Variants in GNL3 observed in about 807,000 individuals in gnomAD.
GNL3 encodes the protein G protein nucleolar 3, also known as guanine nucleotide-binding protein-like 3.
GNL3 carries 77 observed loss-of-function variants against 70.6 expected under a neutral mutation model. The ratio of observed to expected loss-of-function variants is 1.09; its 90% CI spans 0.91 to 1.32. GNL3 has a LOEUF of 1.32. GNL3 is among the 40% of genes most tolerant of loss of function. GNL3 has a pLI of 0.00. For missense variants in GNL3, 634 were observed against 644.0 expected (o/e 0.98, Z 0.17); for synonymous variants, 252 against 216.1 (o/e 1.17, Z -1.46).
chr3:52,688,719 C>T (rs2097324528), intron 5 of GNL3, among the ~76,000 whole-genome samples: 1 of 152,220 alleles, frequency 6.6e-6, no homozygotes, highest in Non-Finnish European at 1.5e-5. Flanking sequence ...TTCCCAAGCT[C>T]ACTCCCCCAT....
intron 8 of GNL3, 21 bp from the exon 9 acceptor site, chr3:52,691,521 G>A (rs1017150748): frequency 2.0e-5 from 28 of 1,381,848 alleles, no homozygotes; most frequent in Non-Finnish European, 2.8e-5. Flanking sequence ...TTTTATATCT[G>A]GATTTCCCAT....
At chr3:52,693,851 G>GC in intron 13 of GNL3, 44 bp downstream of exon 13, 1 of 1,505,520 alleles carries the variant, frequency 6.6e-7, no homozygotes. Flanking sequence ...GAGTTTTCTA[G>GC]CATTATAATA....
rs1412657633 is a variant in GNL3 at position 52,692,893 on chromosome 3, G to A, written c.891G>A (p.Leu297=). 2 of 1,613,108 alleles carry A rather than the reference G, an allele frequency of 1.2e-6. No individual in the cohort carries two copies. The highest frequency in any genetic ancestry group is 2.7e-5 in the African/African-American group (2 of 74,892). ...TCAGGAGCATGCAAGTTGTCCCCTTGGACAAACAGATCACAATCATAGATA... is the reference window on the plus strand; with the variant it reads ...TCAGGAGCATGCAAGTTGTCCCCTTAGACAAACAGATCACAATCATAGATA... The part of the protein sequence containing the change: ...GLTRSMQVVP[L]DKQITIIDSP... Residue 297 remains leucine (L), a synonymous_variant, in exon 10 of 15, where the codon TTG becomes TTA. Coordinates refer to ENST00000418458, the MANE Select transcript of GNL3 (RefSeq NM_014366.5).
chr3:52,693,589 G>A, intron 12 of GNL3, 43 bp from the exon 13 acceptor site: 1 of 1,614,034 alleles, frequency 6.2e-7, no homozygotes, highest in Non-Finnish European at 8.5e-7. Flanking sequence ...TGACAGGCCA[G>A]TGGAGCTCTT....
At chr3:52,690,420 G>A (rs1387939237) in intron 6 of GNL3, among the ~76,000 whole-genome samples, 172 bp from the exon 7 acceptor site, 2 of 152,000 alleles carry the variant, frequency 1.3e-5, no homozygotes, top group African/African-American at 2.4e-5. Flanking sequence ...CCACCACCAC[G>A]CCCAGCTAAT....
In GNL3 at chr3:52,693,638, A is replaced by C. The variant is rs770499987; in HGVS notation, c.1331A>C (p.Lys444Thr). ...KNNAQSIRAI[K>T]GPHLANSILF... Reference sequence around the variant, plus strand: ...GGCTTGCTTTCTTTCCCAGCCATCAAGGGCCCTCATTTGGCCAATAGCATC... The same window carrying C: ...GGCTTGCTTTCTTTCCCAGCCATCACGGGCCCTCATTTGGCCAATAGCATC... Residue 444 changes from lysine (K) to threonine (T), a missense_variant, in exon 13 of 15, where the codon AAG becomes ACG. By Grantham distance (78) the Lys-to-Thr change is moderately conservative. Coordinates refer to ENST00000418458, the MANE Select transcript of GNL3 (RefSeq NM_014366.5). 6.2e-7 allele frequency: 1 copy of C among 1,614,010 alleles called. No individual in the cohort carries two copies. The highest frequency in any genetic ancestry group is 1.1e-5 in the South Asian group (1 of 91,084).
Position 52,687,513 on chromosome 3 carries a change from AAAAC to A in GNL3, c.224_227del (p.Lys75SerfsTer11). The A allele has an allele frequency of 6.2e-7, 1 of 1,612,882 alleles. No homozygotes were observed. Among genetic ancestry groups the A allele is most frequent in the Non-Finnish European group, 8.5e-7 (1 of 1,178,854 alleles). ...TATGGCTCTGACAGCTTGAAGAACTAAAACAGCAGCAGAAACTTGACAGGCAGAA... is the reference window on the plus strand; with the variant it reads ...TATGGCTCTGACAGCTTGAAGAACTAAGCAGCAGAAACTTGACAGGCAGAA... On this transcript the variant is annotated frameshift_variant, in exon 4 of 15. Transcript: ENST00000418458. LOFTEE classifies it high-confidence loss of function.
chr3:52,691,286 T>C lies in GNL3; in HGVS notation c.781+215T>C, dbSNP rs570697500. 8 of 608,300 alleles carry C rather than the reference T, an allele frequency of 1.3e-5. No homozygotes were observed. The South Asian group carries it at 1.5e-4, about 11-fold the overall frequency. The allele number at this position is 608,300 out of a possible 1,614,324, so 37.7% of individuals were successfully genotyped here. ...ACAACTGCTGCCAGATTCAGGTTTT[T>C]TGTTGGGACTGATTACTGTAGGAAG... On this transcript the variant is annotated intron_variant, in intron 8 of 14. Coordinates refer to ENST00000418458, the MANE Select transcript of GNL3 (RefSeq NM_014366.5).
At chr3:52,690,473 C>G in intron 6 of GNL3, 119 bp from the exon 7 acceptor site, 1 of 636,576 alleles carries the variant, frequency 1.6e-6, no homozygotes, top group South Asian at 1.7e-5. Context: ...TCGTGTTAGC[C>G]AGGATGGTCT....
intron 1 of GNL3, chr3:52,686,309 G>T: frequency 1.6e-6 from 1 of 616,738 alleles, no homozygotes; most frequent in Non-Finnish European, 2.9e-6. Context: ...TCATTCTGCG[G>T]AACGAAGCCG....
In GNL3 at chr3:52,689,123, C is replaced by T; in HGVS notation, c.458C>T (p.Pro153Leu). The T allele has an allele frequency of 1.2e-6, 2 of 1,612,544 alleles. No individual in the cohort carries two copies. Among genetic ancestry groups the T allele is most frequent in the Non-Finnish European group, 1.7e-6 (2 of 1,178,562 alleles). ...VVLEVLDARDPLGCRCPQVEE... is the reference protein window; with the variant it reads ...VVLEVLDARDLLGCRCPQVEE... The stretch of plus-strand genomic sequence containing the variant: ...CTAGAGGTGTTGGATGCCAGAGATC[C>T]TCTTGGTTGCAGATGTCCTCAGGTA... The change falls in exon 6 of 15, where the codon CCT becomes CTT. Residue 153 changes from proline to leucine, a missense_variant. Physicochemically the swap from Pro to Leu is moderately conservative, Grantham distance 98. Transcript: ENST00000418458.
At chr3:52,688,250 ATTT>A in intron 5 of GNL3, 58 bp downstream of exon 5, 1 of 879,046 alleles carries the variant, frequency 1.1e-6, no homozygotes, top group Non-Finnish European at 1.9e-6. Context: ...GACTCAAGTC[ATTT>A]TTTTTTTAAC....
intron 3 of GNL3, 33 bp from the exon 4 acceptor site, chr3:52,687,469 C>G (rs1252196389): frequency 6.3e-7 from 1 of 1,585,258 alleles, no homozygotes; most frequent in East Asian, 2.2e-5. Flanking sequence ...ACACTAGTCA[C>G]TGGTTCACCT....
At chr3:52,692,483 T>A (rs1272263274) in intron 9 of GNL3, among the ~76,000 whole-genome samples, 1 of 151,174 alleles carries the variant, frequency 6.6e-6, no homozygotes, top group Non-Finnish European at 1.5e-5. Flanking sequence ...ACCCGGCTAA[T>A]TTTTGTATTT....
chr3:52,690,700 C>T lies in GNL3; in HGVS notation c.650C>T (p.Thr217Ile), dbSNP rs2154099598. ...STKPKDKGKI[T>I]KRVKAKKNAA... is the part of the protein sequence containing the mutation. ...AAACCAAAGGATAAAGGGAAGATAA[C>T]CAAGGTATCCTTTATTAGTGGTAAG... Residue 217 changes from threonine to isoleucine, a missense_variant, in exon 7 of 15, where the codon ACC becomes ATC. Thr to Ile is a moderately conservative substitution (Grantham distance 89). Coordinates refer to ENST00000418458, the MANE Select transcript of GNL3 (RefSeq NM_014366.5). 6.6e-7 allele frequency: 1 copy of T among 1,520,956 alleles called. No individual in the cohort carries two copies. The highest frequency in any genetic ancestry group is 9.1e-7 in the Non-Finnish European group (1 of 1,095,690). The allele number at this position is 1,520,956 out of a possible 1,614,324, so 94.2% of individuals were successfully genotyped here.
At chr3:52,691,848 A>C (rs113010820) in intron 9 of GNL3, among the ~76,000 whole-genome samples, 1 of 151,910 alleles carries the variant, frequency 6.6e-6, no homozygotes, top group Non-Finnish European at 1.5e-5. Context: ...GATTACAGGC[A>C]TGTGCCCCCA....
intron 5 of GNL3, among the ~76,000 whole-genome samples, chr3:52,688,501 G>C (rs553621847): frequency 4.6e-5 from 7 of 152,060 alleles, no homozygotes; most frequent in Middle Eastern, 3.4e-3. Flanking sequence ...AGTTTCTTTG[G>C]TTCTAAATAT....
Position 52,690,944 on chromosome 3 carries a change from G to C in GNL3, c.655-1G>C. ...AATAATTCAACTATTTGGAATTTTAGCGTGTGAAGGCAAAGAAGAATGCTG... is the reference window on the plus strand; with the variant it reads ...AATAATTCAACTATTTGGAATTTTACCGTGTGAAGGCAAAGAAGAATGCTG... On this transcript the variant is annotated splice_acceptor_variant, in intron 7 of 14. Transcript: ENST00000418458. LOFTEE classifies it high-confidence loss of function. The C allele has an allele frequency of 2.5e-6, 4 of 1,613,808 alleles. No homozygotes were observed. The highest frequency in any genetic ancestry group is 3.4e-6 in the Non-Finnish European group (4 of 1,179,782).
chr3:52,689,353 T>C (rs769675902), intron 6 of GNL3, 147 bp downstream of exon 6: 2 of 807,272 alleles, frequency 2.5e-6, no homozygotes, highest in Admixed American at 3.4e-5. Context: ...TGCTAGGCAG[T>C]GGGGAGCCAG....
Sources: gnomAD v4.1 joint callset for allele counts (sites outside exome capture counted in the v4.1 genomes callset) on GRCh38, gnomAD v4.1.1 for gene constraint, MANE v1.5 for transcripts, NCBI Gene and HGNC (gene_info 2026-07-23, HGNC 2026-07-21) for gene names.